Variants in TULP4 observed in about 807,000 individuals in gnomAD.
TULP4 encodes TUB like protein 4, also known as tubby-related protein 4.
A neutral mutation model predicts 129.0 loss-of-function variants in TULP4; 16 were observed. That is an observed-to-expected ratio of 0.12 (90% CI 0.08 to 0.19). The LOEUF is 0.19. Among genes scored for constraint, TULP4 ranks in the 10% least tolerant of loss-of-function variants. The pLI is 1.00. For missense variants in TULP4, 1,842 were observed against 2,059.1 expected (o/e 0.89, Z 2.04); for synonymous variants, 998 against 854.0 (o/e 1.17, Z -2.94).
chr6:158,369,325 C>G (rs1300279563), intron 1 of TULP4, among the ~76,000 whole-genome samples: 2 of 152,032 alleles, frequency 1.3e-5, no homozygotes, highest in Non-Finnish European at 2.9e-5. Flanking sequence ...GAGACCCTGT[C>G]TCTACAAAAA....
intron 1 of TULP4, among the ~76,000 whole-genome samples, chr6:158,267,008 G>T (rs1778459320): frequency 6.6e-6 from 1 of 151,966 alleles, no homozygotes; most frequent in South Asian, 2.1e-4. Flanking sequence ...TTCTATTTCT[G>T]TGTCTATAAA....
At chr6:158,339,599 T>C (rs1393941929) in intron 1 of TULP4, among the ~76,000 whole-genome samples, 2 of 152,224 alleles carry the variant, frequency 1.3e-5, no homozygotes, top group Non-Finnish European at 2.9e-5. Flanking sequence ...TTCCCAGGGC[T>C]GTTAATTATT....
intron 1 of TULP4, among the ~76,000 whole-genome samples, chr6:158,246,020 A>AGGGGGG (rs35127073): frequency 1.9e-5 from 2 of 102,918 alleles, no homozygotes; most frequent in East Asian, 3.5e-4. Flanking sequence ...CCTACCCCTT[A>AGGGGGG]GGGGTGTGTG....
At position 158,372,164 on chromosome 6, in the gene TULP4, CT is replaced by C. The variant is rs67123255; in HGVS notation, c.253-40885del. Among the ~76,000 whole-genome samples the C allele has an allele frequency of 2.1e-3, 179 of 83,318 alleles. 1 individual carries two copies. The highest frequency in any genetic ancestry group is 0.011 in the Middle Eastern group (1 of 88). 54.7% of individuals were successfully genotyped at this position (83,318 alleles called of 152,430 possible). On this transcript the variant is annotated intron_variant, in intron 1 of 13. Coordinates refer to ENST00000367097, the MANE Select transcript of TULP4 (RefSeq NM_020245.5). The stretch of plus-strand genomic sequence containing the variant: ...TTTTAATACAATTCCATTCTATCTG[CT>C]TTTTTTTTTTTTTTTAAAGAAAAAG...
chr6:158,247,447 A>C (rs573907444), intron 1 of TULP4, among the ~76,000 whole-genome samples: 1 of 152,362 alleles, frequency 6.6e-6, no homozygotes, highest in South Asian at 2.1e-4. Flanking sequence ...TCTGCTTTCC[A>C]AAACTGTTGC....
intron 1 of TULP4, among the ~76,000 whole-genome samples, chr6:158,378,447 T>G (rs1231508279): frequency 8.3e-6 from 1 of 119,788 alleles, no homozygotes; most frequent in East Asian, 2.3e-4. Context: ...ATTGAGCAGT[T>G]AGGATGGGGG....
chr6:158,445,667 A>T (rs1396577629), intron 3 of TULP4, among the ~76,000 whole-genome samples: 1 of 152,190 alleles, frequency 6.6e-6, no homozygotes, highest in Non-Finnish European at 1.5e-5. Flanking sequence ...ACCTGCCATG[A>T]ACCAGCTGAT....
chr6:158,369,499 C>T (rs577319147), intron 1 of TULP4, among the ~76,000 whole-genome samples: 2 of 152,118 alleles, frequency 1.3e-5, no homozygotes, highest in Admixed American at 6.5e-5. Flanking sequence ...GACCTGGTCT[C>T]AAAATAAAAG....
chr6:158,422,556 G>A (rs1031172263), intron 2 of TULP4, among the ~76,000 whole-genome samples: 2 of 152,168 alleles, frequency 1.3e-5, no homozygotes, highest in African/African-American at 4.8e-5. Context: ...GACACATGTG[G>A]AGCGGTTTTA....
In TULP4 at chr6:158,508,352, T is replaced by G. The variant is rs962924008; in HGVS notation, c.*1658T>G. On this transcript the variant is annotated 3_prime_UTR_variant, in exon 14 of 14. Coordinates refer to ENST00000367097, the MANE Select transcript of TULP4 (RefSeq NM_020245.5). ...AAGTATTTTCAAATTTAAACGTTTT[T>G]TAATCCCCTGTTTTAGTTAAAAAAT... 8.6e-5 allele frequency: 13 copies of G among 151,974 alleles called. No homozygotes were observed. The highest frequency in any genetic ancestry group is 1.8e-4 in the Non-Finnish European group (12 of 68,038). The allele number at this position is 151,974 out of a possible 1,614,324, so 9.4% of individuals were successfully genotyped here.
chr6:158,441,121 G>C (rs1204944474), intron 3 of TULP4, among the ~76,000 whole-genome samples: 1 of 152,112 alleles, frequency 6.6e-6, no homozygotes, highest in East Asian at 1.9e-4. Context: ...TTCAAGACCA[G>C]CCCAGCCAAC....
chr6:158,502,953 A>T lies in TULP4; in HGVS notation c.3290A>T (p.His1097Leu), dbSNP rs2128264347. The change falls in exon 13 of 14, where the codon CAC (histidine) becomes CTC (leucine). Residue 1097 changes from histidine to leucine, a missense_variant. Coordinates refer to ENST00000367097, the MANE Select transcript of TULP4 (RefSeq NM_020245.5). ...ACGGAGGACGAGGCCCTGTCCCAGCACTGTCAGCTTGAGAAGCCCTTGAGG... is the reference window on the plus strand; with the variant it reads ...ACGGAGGACGAGGCCCTGTCCCAGCTCTGTCAGCTTGAGAAGCCCTTGAGG... Reference protein sequence around the residue: ...AFTEDEALSQHCQLEKPLRHP... With the variant: ...AFTEDEALSQLCQLEKPLRHP... The T allele has an allele frequency of 6.2e-7, 1 of 1,613,908 alleles. No homozygotes were observed. The highest frequency in any genetic ancestry group is 2.2e-5 in the East Asian group (1 of 44,856).
intron 1 of TULP4, among the ~76,000 whole-genome samples, chr6:158,239,891 G>A (rs1777825646): frequency 2.9e-5 from 2 of 69,824 alleles, no homozygotes; most frequent in African/African-American, 4.5e-5. Context: ...AGGGGCGGCC[G>A]GGCAGAGGCG....
chr6:158,459,895 G>C (rs989625621), intron 5 of TULP4, among the ~76,000 whole-genome samples: 2 of 152,168 alleles, frequency 1.3e-5, no homozygotes, highest in Non-Finnish European at 2.9e-5. Context: ...GCTTTTCCCT[G>C]AGATAGATCC....
intron 1 of TULP4, among the ~76,000 whole-genome samples, chr6:158,338,531 G>C (rs747179506): frequency 2.6e-5 from 4 of 152,202 alleles, no homozygotes; most frequent in Non-Finnish European, 5.9e-5. Flanking sequence ...TGCTGCTGAG[G>C]TGTGAACCGT....
intron 1 of TULP4, among the ~76,000 whole-genome samples, chr6:158,286,898 A>T (rs1018849946): frequency 2.0e-5 from 3 of 152,142 alleles, no homozygotes; most frequent in Non-Finnish European, 2.9e-5. Flanking sequence ...GTAATTTCCC[A>T]CTTGAGTTCA....
chr6:158,243,042 C>G (rs1777954494), intron 1 of TULP4, among the ~76,000 whole-genome samples: 1 of 152,138 alleles, frequency 6.6e-6, no homozygotes, highest in African/African-American at 2.4e-5. Context: ...CCGCCTCGGC[C>G]TCCCAAAGTG....
At chr6:158,500,102 C>T (rs1290450884) in intron 12 of TULP4, among the ~76,000 whole-genome samples, 1 of 152,174 alleles carries the variant, frequency 6.6e-6, no homozygotes, top group Non-Finnish European at 1.5e-5. Flanking sequence ...CCTGTTCTCC[C>T]AAAATGCGAG....
intron 1 of TULP4, among the ~76,000 whole-genome samples, chr6:158,392,832 C>T (rs1462119851): frequency 2.3e-4 from 15 of 66,590 alleles, no homozygotes; most frequent in East Asian, 3.8e-4. Context: ...GATGGAGTCT[C>T]GCTCCATTGC....
Sources: gnomAD v4.1 joint callset for allele counts (sites outside exome capture counted in the v4.1 genomes callset) on GRCh38, gnomAD v4.1.1 for gene constraint, MANE v1.5 for transcripts, NCBI Gene and HGNC (gene_info 2026-07-23, HGNC 2026-07-21) for gene names.